ANKH: variants seen among roughly 807,000 people sequenced by gnomAD.
ANKH encodes the protein mineralization regulator ANKH.
ANKH carries 15 observed loss-of-function variants against 49.0 expected under a neutral mutation model. That is an observed-to-expected ratio of 0.31 (90% CI 0.20 to 0.47). ANKH has a LOEUF of 0.47. ANKH is among the 20% of genes least tolerant of loss of function. The pLI, the probability that ANKH is intolerant of heterozygous loss-of-function variation, is 1.00. For synonymous variants in ANKH, 273 were observed against 260.0 expected, an observed-to-expected ratio of 1.05 and a Z score of -0.48; for missense variants, 429 against 652.0, an observed-to-expected ratio of 0.66 and a Z score of 3.72.
intron 1 of ANKH, among the ~76,000 whole-genome samples, chr5:14,775,666 G>T (rs1020832813): frequency 1.3e-5 from 2 of 152,186 alleles, no homozygotes; most frequent in Admixed American, 1.3e-4. Flanking sequence ...CTGGAGGCAG[G>T]TACAGGCCTG....
At chr5:14,843,208 T>C (rs1468878545) in intron 1 of ANKH, among the ~76,000 whole-genome samples, 2 of 150,104 alleles carry the variant, frequency 1.3e-5, no homozygotes, top group Non-Finnish European at 3.0e-5. Flanking sequence ...AAGAGACTCG[T>C]TCTGTTGCCC....
At chr5:14,799,331 A>G (rs116404630) in intron 1 of ANKH, among the ~76,000 whole-genome samples, 1,756 of 152,376 alleles carry the variant, frequency 0.012, 34 homozygotes, top group African/African-American at 0.04. Context: ...TAGGAGCTGC[A>G]GCAACTTATC....
chr5:14,868,015 T>C (rs551791824), intron 1 of ANKH, among the ~76,000 whole-genome samples: 8 of 152,330 alleles, frequency 5.3e-5, no homozygotes, highest in African/African-American at 1.9e-4. Flanking sequence ...TTTGGTTTCC[T>C]CCCTGACTGA....
rs1417939772 is a variant in ANKH at position 14,705,987 on chromosome 5, A to G, written c.*5210T>C. ...CTTATAGCTAGGGAACATTGCCTCT[A>G]AATCTTATAGTGAGAATTTCCATGA... is the stretch of plus-strand genomic sequence containing the variant. On this transcript the variant is annotated 3_prime_UTR_variant, in exon 12 of 12. Coordinates refer to ENST00000284268, the MANE Select transcript of ANKH (RefSeq NM_054027.6). 4 of 152,154 alleles carry G rather than the reference A, an allele frequency of 2.6e-5. No homozygotes were observed. Among genetic ancestry groups the G allele is most frequent in the African/African-American group, 9.7e-5 (4 of 41,430 alleles). The allele number at this position is 152,154 out of a possible 1,614,324, so 9.4% of individuals were successfully genotyped here.
chr5:14,720,612 T>C (rs1737628688), intron 8 of ANKH, among the ~76,000 whole-genome samples: 1 of 152,216 alleles, frequency 6.6e-6, no homozygotes, highest in African/African-American at 2.4e-5. Flanking sequence ...AGAATTGAGC[T>C]AAGGGATGAC....
At chr5:14,722,530 A>C (rs1035434882) in intron 8 of ANKH, among the ~76,000 whole-genome samples, 9 of 152,198 alleles carry the variant, frequency 5.9e-5, no homozygotes, top group African/African-American at 2.2e-4. Flanking sequence ...TGTGCCCCAA[A>C]ATAAAAGAAT....
chr5:14,752,057 C>CA (rs1463366703), intron 4 of ANKH, among the ~76,000 whole-genome samples: 2 of 152,158 alleles, frequency 1.3e-5, no homozygotes, highest in Non-Finnish European at 2.9e-5. Flanking sequence ...CCTGTGATCT[C>CA]AGTGCTTTGG....
chr5:14,775,848 C>T (rs1739601101), intron 1 of ANKH, among the ~76,000 whole-genome samples: 1 of 152,132 alleles, frequency 6.6e-6, no homozygotes, highest in Non-Finnish European at 1.5e-5. Context: ...TGGGCAGAGG[C>T]AGGACAGGGG....
intron 1 of ANKH, among the ~76,000 whole-genome samples, chr5:14,837,552 T>C (rs1741690733): frequency 6.6e-6 from 1 of 152,098 alleles, no homozygotes; most frequent in Non-Finnish European, 1.5e-5. Flanking sequence ...ATCAGAGAAA[T>C]GCAAATCAAA....
chr5:14,814,906 C>T (rs1740986804), intron 1 of ANKH, among the ~76,000 whole-genome samples: 1 of 152,166 alleles, frequency 6.6e-6, no homozygotes, highest in African/African-American at 2.4e-5. Flanking sequence ...CTGCTAGTTT[C>T]AGAAAGCCAA....
chr5:14,828,522 CA>C (rs1352783079), intron 1 of ANKH, among the ~76,000 whole-genome samples: 4 of 152,090 alleles, frequency 2.6e-5, no homozygotes, highest in Non-Finnish European at 4.4e-5. Context: ...GACTCCGTCT[CA>C]AAAACAAACA....
chr5:14,852,936 T>A lies in ANKH; in HGVS notation c.96+18416A>T, dbSNP rs1004603072. 5.3e-5 allele frequency among the ~76,000 whole-genome samples: 8 copies of A among 152,146 alleles called. No homozygotes were observed. In the South Asian group the frequency reaches 8.3e-4, roughly 16 times the overall value. On this transcript the variant is annotated intron_variant, in intron 1 of 11. Coordinates refer to ENST00000284268, the MANE Select transcript of ANKH (RefSeq NM_054027.6). ...CACCCATTAATTCCACCCAAGCAGA[T>A]CTGTTTCACACCCACCCTCCTGTCC...
At chr5:14,851,618 A>G (rs1403632422) in intron 1 of ANKH, among the ~76,000 whole-genome samples, 1 of 152,268 alleles carries the variant, frequency 6.6e-6, no homozygotes. Context: ...ACTAAAAAGA[A>G]GAAAAAGTAG....
At chr5:14,851,989 A>C (rs1288028231) in intron 1 of ANKH, among the ~76,000 whole-genome samples, 8 of 152,248 alleles carry the variant, frequency 5.3e-5, no homozygotes, top group Admixed American at 5.2e-4. Context: ...ACACTTAAAA[A>C]TAGAATTTGG....
At chr5:14,754,061 T>C (rs889954608) in intron 4 of ANKH, among the ~76,000 whole-genome samples, 1 of 152,240 alleles carries the variant, frequency 6.6e-6, no homozygotes, top group Non-Finnish European at 1.5e-5. Context: ...AGCCAAATTG[T>C]GGCAGGAACT....
chr5:14,711,360 A>T, intron 11 of ANKH, 50 bp from the exon 12 acceptor site: 1 of 1,498,712 alleles, frequency 6.7e-7, no homozygotes, highest in Non-Finnish European at 9.3e-7. Flanking sequence ...GGGACACTGC[A>T]CAGCAGAACC....
intron 1 of ANKH, among the ~76,000 whole-genome samples, chr5:14,799,623 C>A (rs114477615): frequency 0.019 from 2,915 of 152,266 alleles, 110 homozygotes; most frequent in African/African-American, 0.066. Flanking sequence ...TGTGTTACAG[C>A]AAAGCCCGGA....
At chr5:14,858,543 C>T (rs1016586489) in intron 1 of ANKH, among the ~76,000 whole-genome samples, 10 of 151,996 alleles carry the variant, frequency 6.6e-5, no homozygotes, top group Admixed American at 5.9e-4. Context: ...TGGCGAAACC[C>T]CGTCTCTACT....
chr5:14,843,933 G>C (rs959970898), intron 1 of ANKH, among the ~76,000 whole-genome samples: 1 of 152,164 alleles, frequency 6.6e-6, no homozygotes, highest in Non-Finnish European at 1.5e-5. Context: ...GTAGAAACCA[G>C]GATATCATAT....
Sources: allele counts gnomAD v4.1 joint callset (sites outside exome capture counted in the v4.1 genomes callset), GRCh38; gene constraint gnomAD v4.1.1; transcripts MANE v1.5; gene names NCBI Gene and HGNC (gene_info 2026-07-23, HGNC 2026-07-21).